The following EPB41L4A variants were observed in gnomAD, a reference collection of about 807,000 sequenced individuals.
EPB41L4A encodes the protein erythrocyte membrane protein band 4.1 like 4A, also known as band 4.1-like protein 4A.
EPB41L4A carries 100 observed loss-of-function variants against 108.6 expected under a neutral mutation model. The observed-to-expected ratio is 0.92, with a 90% confidence interval of 0.78 to 1.09. EPB41L4A has a LOEUF of 1.09. Ranked by LOEUF, EPB41L4A falls within the 50% of genes least tolerant of loss-of-function variation. EPB41L4A has a pLI of 0.00. For missense variants in EPB41L4A, 1,030 were observed against 842.7 expected (o/e 1.22, Z -2.75); for synonymous variants, 319 against 289.0 (o/e 1.10, Z -1.05).
chr5:112,401,229 A>G (rs972882142), intron 1 of EPB41L4A, among the ~76,000 whole-genome samples: 2 of 152,214 alleles, frequency 1.3e-5, no homozygotes, highest in African/African-American at 4.8e-5. Context: ...TAGGTAAGCC[A>G]CAGACACTAC....
intron 17 of EPB41L4A, among the ~76,000 whole-genome samples, chr5:112,191,771 G>A (rs3815896): frequency 0.034 from 5,131 of 152,096 alleles, 279 homozygotes; most frequent in East Asian, 0.23. Context: ...GACTCTGTCC[G>A]GAGTTCCAAT....
At chr5:112,202,561 G>T (rs76074075) in intron 15 of EPB41L4A, among the ~76,000 whole-genome samples, 1 of 152,036 alleles carries the variant, frequency 6.6e-6, no homozygotes, top group Admixed American at 6.6e-5. Context: ...CTCAGTACTT[G>T]GAATATGGCA....
chr5:112,321,852 G>C (rs1457181477), intron 1 of EPB41L4A, among the ~76,000 whole-genome samples: 1 of 152,188 alleles, frequency 6.6e-6, no homozygotes, highest in South Asian at 2.1e-4. Flanking sequence ...GCAGCCCCAT[G>C]ATGTGGCTGT....
chr5:112,142,104 T>C (rs1047145171), downstream of EPB41L4A, among the ~76,000 whole-genome samples: 2 of 152,194 alleles, frequency 1.3e-5, no homozygotes, highest in Non-Finnish European at 1.5e-5. Flanking sequence ...TTTTACCCTT[T>C]TGAGTTTCTT....
At chr5:112,405,536 A>G (rs1177488612) in intron 1 of EPB41L4A, among the ~76,000 whole-genome samples, 6 of 152,298 alleles carry the variant, frequency 3.9e-5, no homozygotes, top group Non-Finnish European at 7.4e-5. Context: ...TGAATATCCA[A>G]TTTATGTGCT....
At chr5:112,198,312 CA>C (rs1762060628) in intron 15 of EPB41L4A, among the ~76,000 whole-genome samples, 1 of 152,168 alleles carries the variant, frequency 6.6e-6, no homozygotes, top group Non-Finnish European at 1.5e-5. Context: ...GGATTACAGG[CA>C]TGAGCCACCG....
chr5:112,159,806 G>T (rs1380194221), downstream of EPB41L4A, among the ~76,000 whole-genome samples: 3 of 151,804 alleles, frequency 2.0e-5, no homozygotes, highest in Non-Finnish European at 4.4e-5. Context: ...AGATATAAAA[G>T]AAATATCTTA....
chr5:112,256,660 A>G (rs1751118635), intron 9 of EPB41L4A, among the ~76,000 whole-genome samples: 1 of 152,156 alleles, frequency 6.6e-6, no homozygotes, highest in African/African-American at 2.4e-5. Context: ...GAATAAAATT[A>G]GCAAAAAAGG....
chr5:112,337,376 T>C (rs1171553462), intron 1 of EPB41L4A, among the ~76,000 whole-genome samples: 3 of 152,192 alleles, frequency 2.0e-5, no homozygotes, highest in Non-Finnish European at 4.4e-5. Flanking sequence ...GTATCTACCA[T>C]ATATCAACCA....
At chr5:112,257,100 GT>G (rs1377579708) in intron 9 of EPB41L4A, 1 of 152,076 alleles carries the variant, frequency 6.6e-6, no homozygotes, top group East Asian at 1.9e-4. Flanking sequence ...CAAGTGATGG[GT>G]TTTAAGGGGC....
At chr5:112,308,691 A>G (rs1449958034) in intron 1 of EPB41L4A, among the ~76,000 whole-genome samples, 7 of 152,334 alleles carry the variant, frequency 4.6e-5, no homozygotes, top group South Asian at 4.1e-4. Context: ...TGGCCTGTAA[A>G]TGTCTCTGTG....
chr5:112,382,022 A>G (rs1760207120), intron 1 of EPB41L4A, among the ~76,000 whole-genome samples: 1 of 152,340 alleles, frequency 6.6e-6, no homozygotes. Context: ...GAATGGAAGT[A>G]TTTTTTCATT....
chr5:112,406,592 G>A (rs538130340), intron 1 of EPB41L4A, among the ~76,000 whole-genome samples: 1 of 152,150 alleles, frequency 6.6e-6, no homozygotes, highest in African/African-American at 2.4e-5. Flanking sequence ...AAGGTCATAG[G>A]AACAGACCAG....
intron 1 of EPB41L4A, among the ~76,000 whole-genome samples, chr5:112,374,202 G>A (rs773225803): frequency 6.6e-6 from 1 of 152,170 alleles, no homozygotes; most frequent in Non-Finnish European, 1.5e-5. Context: ...ATTACAAACC[G>A]TAGCCATGAA....
At chr5:112,391,115 AG>A (rs1202512671) in intron 1 of EPB41L4A, among the ~76,000 whole-genome samples, 2 of 152,236 alleles carry the variant, frequency 1.3e-5, no homozygotes, top group Non-Finnish European at 2.9e-5. Context: ...AAAGATGGGG[AG>A]AAACCAGAGT....
intron 16 of EPB41L4A, 47 bp downstream of exon 16, chr5:112,195,614 G>A: frequency 2.7e-6 from 4 of 1,493,338 alleles, no homozygotes; most frequent in Non-Finnish European, 3.7e-6. Flanking sequence ...TTCTAAATCT[G>A]CTAACCCTTC....
chr5:112,308,697 C>G (rs1754847030), intron 1 of EPB41L4A, among the ~76,000 whole-genome samples: 1 of 152,146 alleles, frequency 6.6e-6, no homozygotes, highest in Non-Finnish European at 1.5e-5. Context: ...GTAAATGTCT[C>G]TGTGCTCATG....
At chr5:112,357,407 T>C (rs112233952) in intron 1 of EPB41L4A, among the ~76,000 whole-genome samples, 3,846 of 152,266 alleles carry the variant, frequency 0.025, 168 homozygotes, top group African/African-American at 0.087. Context: ...CAAGCCAATA[T>C]ACAAGGCACA....
intron 1 of EPB41L4A, among the ~76,000 whole-genome samples, chr5:112,375,336 TAC>T (rs756227057): frequency 4.4e-4 from 59 of 133,834 alleles, no homozygotes; most frequent in Non-Finnish European, 4.4e-4. Context: ...CACACACACA[TAC>T]ACACACACAC....
Sources: gnomAD v4.1 joint callset for allele counts (sites outside exome capture counted in the v4.1 genomes callset) on GRCh38, gnomAD v4.1.1 for gene constraint, MANE v1.5 for transcripts, NCBI Gene and HGNC (gene_info 2026-07-23, HGNC 2026-07-21) for gene names.